Variants in PRICKLE2 observed in about 807,000 individuals in gnomAD.
PRICKLE2 encodes the protein prickle planar cell polarity protein 2, also known as prickle-like protein 2.
PRICKLE2 carries 21 observed loss-of-function variants against 81.4 expected under a neutral mutation model. The observed-to-expected ratio is 0.26, with a 90% CI of 0.18 to 0.37. The LOEUF (loss-of-function observed/expected upper bound fraction) is 0.37, where lower values mean the gene tolerates loss of function less well. Ranked by LOEUF, PRICKLE2 falls within the 10% of genes least tolerant of loss-of-function variation. PRICKLE2 has a pLI of 1.00. For synonymous variants in PRICKLE2, 456 were observed against 421.5 expected (o/e 1.08, Z -1.00); for missense variants, 940 against 1,109.0 (o/e 0.85, Z 2.16).
intron 7 of PRICKLE2, among the ~76,000 whole-genome samples, chr3:64,137,136 T>C (rs553706118): frequency 6.6e-6 from 1 of 152,316 alleles, no homozygotes; most frequent in East Asian, 1.9e-4. Flanking sequence ...ACTATTTCTA[T>C]CTTTTTCCAG....
At chr3:64,237,024 C>A (rs934482571) in intron 2 of PRICKLE2, among the ~76,000 whole-genome samples, 1 of 152,198 alleles carries the variant, frequency 6.6e-6, no homozygotes, top group Admixed American at 6.5e-5. Context: ...ATTTATTCAG[C>A]CTACAGCTCT....
At chr3:64,163,309 A>T (rs1388507921) in intron 2 of PRICKLE2, 180 bp from the exon 3 acceptor site, 5 of 646,620 alleles carry the variant, frequency 7.7e-6, no homozygotes, top group African/African-American at 5.4e-5. Flanking sequence ...CCTTAAAGCA[A>T]GAGTCAGGCA....
At chr3:64,220,458 G>A (rs141030566) in intron 1 of PRICKLE2, among the ~76,000 whole-genome samples, 5 of 152,290 alleles carry the variant, frequency 3.3e-5, no homozygotes, top group African/African-American at 1.2e-4. Flanking sequence ...CATACCAACC[G>A]GAAGTGGCTC....
chr3:64,170,729 C>T (rs1258164707), intron 2 of PRICKLE2, among the ~76,000 whole-genome samples: 1 of 147,392 alleles, frequency 6.8e-6, no homozygotes, highest in African/African-American at 2.5e-5. Context: ...AAAAAAACAG[C>T]CTGGCTGTGG....
chr3:64,172,617 CAGGCTGA>C (rs756233140), intron 2 of PRICKLE2, among the ~76,000 whole-genome samples: 3 of 152,286 alleles, frequency 2.0e-5, no homozygotes, highest in Non-Finnish European at 2.9e-5. Context: ...GAGAGAGGCA[CAGGCTGA>C]AGGCTCTATA....
chr3:64,148,508 G>A (rs1425975816), intron 6 of PRICKLE2, among the ~76,000 whole-genome samples: 4 of 152,010 alleles, frequency 2.6e-5, no homozygotes, highest in South Asian at 2.1e-4. Flanking sequence ...TAGATAGATC[G>A]AGTGAATCCC....
chr3:64,198,190 C>T (rs890521406), intron 2 of PRICKLE2, among the ~76,000 whole-genome samples: 26 of 149,946 alleles, frequency 1.7e-4, no homozygotes, highest in South Asian at 8.4e-4. Context: ...CCAGCCTGGG[C>T]GACAGAGCGA....
intron 2 of PRICKLE2, among the ~76,000 whole-genome samples, chr3:64,263,217 G>A (rs1220220927): frequency 6.6e-6 from 1 of 152,210 alleles, no homozygotes; most frequent in Non-Finnish European, 1.5e-5. Flanking sequence ...ACATGAGTAA[G>A]TTTTCAAAAT....
intron 2 of PRICKLE2, among the ~76,000 whole-genome samples, chr3:64,184,361 C>A (rs571060519): frequency 1.3e-5 from 2 of 152,216 alleles, no homozygotes; most frequent in African/African-American, 4.8e-5. Context: ...GTCCCAGCTG[C>A]GTCTGATACC....
intron 2 of PRICKLE2, among the ~76,000 whole-genome samples, chr3:64,231,011 T>A (rs1389432927): frequency 6.6e-6 from 1 of 152,208 alleles, no homozygotes; most frequent in Non-Finnish European, 1.5e-5. Flanking sequence ...ACGCTTCTTA[T>A]CCATGGACAT....
chr3:64,102,256 C>T (rs1195830538), intron 7 of PRICKLE2: 1 of 152,168 alleles, frequency 6.6e-6, no homozygotes. Context: ...GGTTCCCAGA[C>T]CTCAGGCTAC....
At chr3:64,165,160 C>T (rs2077808713) in intron 2 of PRICKLE2, among the ~76,000 whole-genome samples, 1 of 152,160 alleles carries the variant, frequency 6.6e-6, no homozygotes, top group Non-Finnish European at 1.5e-5. Context: ...TCCTCTTAAT[C>T]ACCTCTAATT....
At chr3:64,242,990 G>A (rs2079290904) in intron 2 of PRICKLE2, among the ~76,000 whole-genome samples, 1 of 152,216 alleles carries the variant, frequency 6.6e-6, no homozygotes, top group South Asian at 2.1e-4. Flanking sequence ...AGGCCTAAGA[G>A]TTTAGGTGAT....
At chr3:64,144,213 G>C (rs188342694) in intron 7 of PRICKLE2, among the ~76,000 whole-genome samples, 5 of 152,288 alleles carry the variant, frequency 3.3e-5, no homozygotes, top group African/African-American at 1.2e-4. Context: ...CTGGCAGCCT[G>C]GTGTGATTAA....
At chr3:64,156,556 T>C (rs1013125684) in intron 5 of PRICKLE2, among the ~76,000 whole-genome samples, 1 of 152,190 alleles carries the variant, frequency 6.6e-6, no homozygotes, top group Non-Finnish European at 1.5e-5. Context: ...GTGCTTCTAG[T>C]AGGGGAAGAA....
intron 7 of PRICKLE2, among the ~76,000 whole-genome samples, chr3:64,126,337 A>C (rs1046636647): frequency 2.6e-5 from 4 of 152,230 alleles, no homozygotes; most frequent in Non-Finnish European, 1.5e-5. Flanking sequence ...ACAACAGAAA[A>C]TCTAGAAGTC....
chr3:64,228,056 C>T (rs943421794), upstream of PRICKLE2, among the ~76,000 whole-genome samples: 2 of 152,096 alleles, frequency 1.3e-5, no homozygotes, highest in African/African-American at 2.4e-5. Context: ...GACCAAGAGG[C>T]GGGCTCCCTC....
intron 2 of PRICKLE2, among the ~76,000 whole-genome samples, chr3:64,248,670 A>C (rs1035020289): frequency 6.6e-5 from 10 of 151,938 alleles, no homozygotes; most frequent in African/African-American, 1.7e-4. Flanking sequence ...AAAAAACAAA[A>C]CAAAAAAACC....
chr3:64,244,603 G>GGTGT (rs71680837), intron 2 of PRICKLE2, among the ~76,000 whole-genome samples: 30,762 of 91,306 alleles, frequency 0.34, 3,246 homozygotes, highest in South Asian at 0.4. Flanking sequence ...GTGAATGACT[G>GGTGT]GTGTGTGTGT....
Sources: gnomAD v4.1 joint callset for allele counts (sites outside exome capture counted in the v4.1 genomes callset) on GRCh38, gnomAD v4.1.1 for gene constraint, MANE v1.5 for transcripts, NCBI Gene and HGNC (gene_info 2026-07-23, HGNC 2026-07-21) for gene names.